OR6K3: variants seen among roughly 807,000 people sequenced by gnomAD.
OR6K3 encodes the protein olfactory receptor family 6 subfamily K member 3.
For synonymous variants in OR6K3, 169 were observed against 137.7 expected (o/e 1.23, Z -1.59); for missense variants, 396 against 382.5 (o/e 1.04, Z -0.29).
Position 158,718,046 on chromosome 1 carries a change from T to C in OR6K3, c.70A>G (p.Ser24Gly), listed in dbSNP as rs143786859. 329 of 1,612,884 alleles carry C rather than the reference T, an allele frequency of 2.0e-4. No homozygotes were observed. The highest frequency in any genetic ancestry group is 2.6e-4 in the Non-Finnish European group (308 of 1,179,348). Residue 24 changes from serine to glycine, a missense_variant, in exon 2 of 2, where the codon AGT (serine) becomes GGT (glycine). By Grantham distance (56) the Ser-to-Gly change is moderately conservative. Coordinates refer to ENST00000368145, the MANE Select transcript of OR6K3 (RefSeq NM_001005327.3). ...AGTAAAGGAAAGAAGTACAGGAGAC[T>C]ACCATCCTGAAGCTGAGGGAATCCA... is the stretch of plus-strand genomic sequence containing the variant. ...FTGFPQLQDG[S>G]LLYFFPLLFI...
chr1:158,723,260 T>C (rs543496816), upstream of OR6K3, among the ~76,000 whole-genome samples: 1 of 152,112 alleles, frequency 6.6e-6, no homozygotes, highest in South Asian at 2.1e-4. Flanking sequence ...TATCTATCAC[T>C]TTGGAATGTG....
At chr1:158,718,540 T>C (rs1008774319) in intron 1 of OR6K3, among the ~76,000 whole-genome samples, 2 of 151,686 alleles carry the variant, frequency 1.3e-5, no homozygotes, top group African/African-American at 4.8e-5. Context: ...TTATAAGTTA[T>C]ACACATTTAC....
rs1445529307 is a variant in OR6K3, at chr1:158,717,026, G to C, written c.*142C>G. The C allele has an allele frequency of 3.0e-6, 2 of 659,740 alleles. No homozygotes were observed. Among genetic ancestry groups the C allele is most frequent in the African/African-American group, 3.6e-5 (2 of 55,076 alleles). 40.9% of individuals were successfully genotyped at this position (659,740 alleles called of 1,614,324 possible). On this transcript the variant is annotated 3_prime_UTR_variant, in exon 2 of 2. Transcript: ENST00000368145. Reference sequence around the variant, plus strand: ...GCGGCTACTAGGGAGGCTGAGGCAGGAGAATTGTTCAAAACCAGGAGGTGG... The same window carrying C: ...GCGGCTACTAGGGAGGCTGAGGCAGCAGAATTGTTCAAAACCAGGAGGTGG...
intron 1 of OR6K3, among the ~76,000 whole-genome samples, chr1:158,720,403 A>G (rs1476947321): frequency 6.6e-6 from 1 of 151,998 alleles, no homozygotes; most frequent in Non-Finnish European, 1.5e-5. Context: ...TTGAAAAGGG[A>G]ACTATGACAA....
chr1:158,723,032 A>G (rs946644103), upstream of OR6K3, among the ~76,000 whole-genome samples: 1 of 151,806 alleles, frequency 6.6e-6, no homozygotes, highest in Non-Finnish European at 1.5e-5. Flanking sequence ...TCTAGTCCTG[A>G]CTCTTTTATT....
Position 158,717,826 on chromosome 1 carries a change from C to T in OR6K3, c.290G>A (p.Cys97Tyr). 2 of 1,613,830 alleles carry T rather than the reference C, an allele frequency of 1.2e-6. No individual in the cohort carries two copies. Among genetic ancestry groups the T allele is most frequent in the Non-Finnish European group, 1.7e-6 (2 of 1,179,820 alleles). ...SEKKAISMTG[C>Y]ILQMYFFHSL... ...GTGGAAGAAATACATCTGCAAGATG[C>T]AGCCAGTCATTGAGATGGCCTTCTT... is the stretch of plus-strand genomic sequence containing the variant. Residue 97 changes from cysteine to tyrosine, a missense_variant, in exon 2 of 2, where the codon TGC (cysteine) becomes TAC (tyrosine). Cys to Tyr is a radical substitution (Grantham distance 194). Transcript: ENST00000368145.
Sources: gnomAD v4.1 joint callset for allele counts (sites outside exome capture counted in the v4.1 genomes callset) on GRCh38, gnomAD v4.1.1 for gene constraint, MANE v1.5 for transcripts, NCBI Gene and HGNC (gene_info 2026-07-23, HGNC 2026-07-21) for gene names.